The following PARP1 variants were observed in gnomAD, a reference collection of about 807,000 sequenced individuals.
PARP1 encodes poly [ADP-ribose] polymerase 1.
In PARP1, 44 loss-of-function variants were observed where a neutral mutation model predicts 118.7. That is an observed-to-expected ratio of 0.37 (90% confidence interval 0.29 to 0.48). PARP1 has a LOEUF of 0.48. Among genes scored for constraint, PARP1 ranks in the 20% least tolerant of loss-of-function variants. The pLI is 0.99. For synonymous variants in PARP1, 492 were observed against 483.2 expected (o/e 1.02, Z -0.24); for missense variants, 1,100 against 1,272.4 (o/e 0.86, Z 2.06).
intron 13 of PARP1, among the ~76,000 whole-genome samples, chr1:226,376,726 A>G (rs1378072642): frequency 6.6e-6 from 1 of 152,164 alleles, no homozygotes; most frequent in South Asian, 2.1e-4. Context: ...ATTGATTTTT[A>G]AATGTCGAAC....
intron 2 of PARP1, among the ~76,000 whole-genome samples, chr1:226,394,311 C>G (rs577575566): frequency 6.6e-6 from 1 of 152,202 alleles, no homozygotes; most frequent in Non-Finnish European, 1.5e-5. Flanking sequence ...GAGCTAGGAT[C>G]GTGCAACTCC....
At chr1:226,362,810 G>A (rs1172384515) in intron 21 of PARP1, among the ~76,000 whole-genome samples, 3 of 151,748 alleles carry the variant, frequency 2.0e-5, no homozygotes, top group African/African-American at 7.3e-5. Context: ...CACAGAGAGT[G>A]AACTGTTTTT....
Position 226,365,978 on chromosome 1 carries a change from A to G in PARP1, c.2481T>C (p.Asn827=). The G allele has an allele frequency of 1.2e-6, 2 of 1,611,978 alleles. No individual in the cohort carries two copies. The highest frequency in any genetic ancestry group is 1.7e-5 in the Admixed American group (1 of 60,030). Residue 827 remains asparagine, a synonymous_variant, in exon 18 of 23, where the codon AAT becomes AAC. Transcript: ENST00000366794. Reference sequence around the variant, plus strand: ...CATCGATGACTTCCAAGTCATACGCATTGTGTGTGGTTGCATGAGTGTTCT... The same window carrying G: ...CATCGATGACTTCCAAGTCATACGCGTTGTGTGTGGTTGCATGAGTGTTCT... ...YVKNTHATTH[N]AYDLEVIDIF... is the part of the protein sequence containing the mutation.
intron 16 of PARP1, among the ~76,000 whole-genome samples, 189 bp from the exon 17 acceptor site, chr1:226,367,797 C>T (rs1664301476): frequency 6.6e-6 from 1 of 152,226 alleles, no homozygotes; most frequent in South Asian, 2.1e-4. Context: ...GGAATGTTAA[C>T]AAGGCCTTGT....
At chr1:226,397,850 CAG>C (rs1371237786) in intron 2 of PARP1, among the ~76,000 whole-genome samples, 1 of 151,506 alleles carries the variant, frequency 6.6e-6, no homozygotes, top group African/African-American at 2.4e-5. Context: ...AGCCCAGAAA[CAG>C]AGCCACACAA....
intron 1 of PARP1, among the ~76,000 whole-genome samples, chr1:226,407,463 TAA>T (rs1489067569): frequency 6.6e-6 from 1 of 151,062 alleles, no homozygotes; most frequent in African/African-American, 2.4e-5. Context: ...CAGATTAGCT[TAA>T]AGAGACCATG....
intron 3 of PARP1, among the ~76,000 whole-genome samples, chr1:226,391,395 C>A (rs539191838): frequency 1.8e-4 from 28 of 152,142 alleles, no homozygotes; most frequent in Non-Finnish European, 3.4e-4. Context: ...AGTCCCCAGG[C>A]CTGATATTCC....
chr1:226,407,728 G>GCCCCC, intron 1 of PARP1, 82 bp downstream of exon 1: 1 of 1,289,826 alleles, frequency 7.8e-7, no homozygotes, highest in Non-Finnish European at 1.0e-6. Context: ...CGCTCCCTGG[G>GCCCCC]CCCGCCCTCC....
In PARP1 at chr1:226,374,373, T is replaced by A. The variant is rs2102732461; in HGVS notation, c.1942-19A>T. On this transcript the variant is annotated intron_variant, in intron 13 of 22. Coordinates refer to ENST00000366794, the MANE Select transcript of PARP1 (RefSeq NM_001618.4). Reference sequence around the variant, plus strand: ...CTTCATCCTTCAGGAAAAAAGCACATTGCTAAGAGACCCAAATCAACAACT... The same window carrying A: ...CTTCATCCTTCAGGAAAAAAGCACAATGCTAAGAGACCCAAATCAACAACT... 6.2e-7 allele frequency: 1 copy of A among 1,614,116 alleles called. No homozygotes were observed. Among genetic ancestry groups the A allele is most frequent in the Non-Finnish European group, 8.5e-7 (1 of 1,180,006 alleles).
At chr1:226,394,081 C>A (rs1224977381) in intron 2 of PARP1, among the ~76,000 whole-genome samples, 1 of 152,162 alleles carries the variant, frequency 6.6e-6, no homozygotes, top group Non-Finnish European at 1.5e-5. Context: ...GGTAATCCCA[C>A]CTCACACCTG....
At chr1:226,407,681 T>G in intron 1 of PARP1, 129 bp downstream of exon 1, 2 of 899,654 alleles carry the variant, frequency 2.2e-6, no homozygotes, top group Non-Finnish European at 3.0e-6. Context: ...CGCGGCCCCA[T>G]AGGCCCCAAG....
chr1:226,361,787 C>A, intron 22 of PARP1, 182 bp downstream of exon 22: 1 of 676,840 alleles, frequency 1.5e-6, no homozygotes. Flanking sequence ...TGGGGGAAGG[C>A]TCATACCCTG....
chr1:226,381,273 G>C, intron 8 of PARP1, 65 bp from the exon 9 acceptor site: 1 of 1,582,534 alleles, frequency 6.3e-7, no homozygotes, highest in Non-Finnish European at 8.7e-7. Flanking sequence ...GTAAGGGGAG[G>C]TGGAGGAGCA....
rs1664232750 is a variant in PARP1, at chr1:226,365,158, G to A, written c.2506-4C>T. On this transcript the variant is annotated splice_polypyrimidine_tract_variant and splice_region_variant and intron_variant, in intron 18 of 22. Transcript: ENST00000366794. The stretch of plus-strand genomic sequence containing the variant: ...CTTCACGCTCTATCTTAAAGATCTG[G>A]TTGGAGTAGTAAACAAAGGGAAGGA... 1 of 1,614,182 alleles carries A rather than the reference G, an allele frequency of 6.2e-7. No homozygotes were observed. The highest frequency in any genetic ancestry group is 2.2e-5 in the East Asian group (1 of 44,888).
At chr1:226,394,049 A>G (rs913646272) in intron 2 of PARP1, among the ~76,000 whole-genome samples, 2 of 152,234 alleles carry the variant, frequency 1.3e-5, no homozygotes, top group African/African-American at 4.8e-5. Context: ...CATTTCCTTA[A>G]GAAAAACACA....
chr1:226,377,327 G>A, intron 12 of PARP1, 24 bp from the exon 13 acceptor site: 2 of 1,585,296 alleles, frequency 1.3e-6, no homozygotes, highest in East Asian at 2.2e-5. Flanking sequence ...GAGGGTGTCA[G>A]ATACACATGT....
rs1665185667 is a variant in PARP1 at position 226,407,924 on chromosome 1, C to T, written c.6G>A (p.Ala2=). The part of the protein sequence containing the change: M[A]ESSDKLYRVE... Reference sequence around the variant, plus strand: ...CTCGATAGAGCTTATCCGAAGACTCCGCCATCCTCCCCTAGCTGCCGCCAA... The same window carrying T: ...CTCGATAGAGCTTATCCGAAGACTCTGCCATCCTCCCCTAGCTGCCGCCAA... Residue 2 remains alanine (A), a synonymous_variant, in exon 1 of 23, where the codon GCG becomes GCA. Transcript: ENST00000366794. 6.2e-7 allele frequency: 1 copy of T among 1,612,108 alleles called. No homozygotes were observed. Among genetic ancestry groups the T allele is most frequent in the Admixed American group, 1.7e-5 (1 of 59,894 alleles).
At chr1:226,362,761 C>A (rs1277157241) in intron 21 of PARP1, among the ~76,000 whole-genome samples, 1 of 152,154 alleles carries the variant, frequency 6.6e-6, no homozygotes, top group African/African-American at 2.4e-5. Context: ...GGTGCCTGCA[C>A]CAAGATTCTC....
chr1:226,365,220 AC>A lies in PARP1; in HGVS notation c.2506-67del. ...ATTTGTTACTCTGGTTGACTGAAAGACAGGACTGGATACACGAGAAATGACC... is the reference window on the plus strand; with the variant it reads ...ATTTGTTACTCTGGTTGACTGAAAGAAGGACTGGATACACGAGAAATGACC... On this transcript the variant is annotated intron_variant, in intron 18 of 22. Coordinates refer to ENST00000366794, the MANE Select transcript of PARP1 (RefSeq NM_001618.4). The A allele has an allele frequency of 2.6e-6, 4 of 1,538,220 alleles. No individual in the cohort carries two copies. In the South Asian group the frequency reaches 4.5e-5, roughly 17 times the overall value.
Sources: allele counts gnomAD v4.1 joint callset (sites outside exome capture counted in the v4.1 genomes callset), GRCh38; gene constraint gnomAD v4.1.1; transcripts MANE v1.5; gene names NCBI Gene and HGNC (gene_info 2026-07-23, HGNC 2026-07-21).